The following SPATA13 variants were observed in gnomAD, a reference collection of about 807,000 sequenced individuals.
SPATA13 encodes the protein spermatogenesis associated 13, also known as spermatogenesis-associated protein 13.
SPATA13 carries 50 observed loss-of-function variants against 104.0 expected under a neutral mutation model. That is an observed-to-expected ratio of 0.48 (90% CI 0.38 to 0.61). The LOEUF is 0.61. Ranked by LOEUF, SPATA13 falls within the 20% of genes least tolerant of loss-of-function variation. The probability of loss-of-function intolerance (pLI) is 0.00; values close to 1 mark genes in which losing one functional copy is unlikely to be tolerated. For missense variants in SPATA13, 1,524 were observed against 1,690.6 expected (o/e 0.90, Z 1.73); for synonymous variants, 606 against 667.5 (o/e 0.91, Z 1.42).
At chr13:24,273,641 G>T (rs2138701800) in intron 4 of SPATA13, among the ~76,000 whole-genome samples, 1 of 152,168 alleles carries the variant, frequency 6.6e-6, no homozygotes, top group Admixed American at 6.5e-5. Context: ...ATAAGAGTAG[G>T]GACAGGATAT....
chr13:24,136,683 T>C (rs865887186), intron 3 of SPATA13, among the ~76,000 whole-genome samples: 3 of 152,218 alleles, frequency 2.0e-5, no homozygotes, highest in Non-Finnish European at 4.4e-5. Context: ...TCTGGGCCTA[T>C]TGGGCTCTGA....
intron 9 of SPATA13, among the ~76,000 whole-genome samples, chr13:24,293,316 A>C (rs575378771): frequency 6.6e-6 from 1 of 152,078 alleles, no homozygotes; most frequent in Non-Finnish European, 1.5e-5. Flanking sequence ...ATTTTCAAAG[A>C]CACTTTTAAG....
intron 3 of SPATA13, among the ~76,000 whole-genome samples, chr13:24,043,051 A>G (rs1877991501): frequency 6.6e-6 from 1 of 152,230 alleles, no homozygotes; most frequent in African/African-American, 2.4e-5. Context: ...AGTGGAACAC[A>G]CACAAACTCA....
At chr13:24,008,058 C>T (rs921137884) in intron 2 of SPATA13, among the ~76,000 whole-genome samples, 3 of 152,196 alleles carry the variant, frequency 2.0e-5, no homozygotes, top group Non-Finnish European at 2.9e-5. Flanking sequence ...AGCAGCCCCA[C>T]TCATGGGAGC....
intron 3 of SPATA13, among the ~76,000 whole-genome samples, chr13:24,086,130 GTT>G (rs1055569645): frequency 1.3e-5 from 2 of 152,158 alleles, no homozygotes; most frequent in Non-Finnish European, 2.9e-5. Flanking sequence ...CACCCGGTGA[GTT>G]TGACTTTCCT....
chr13:24,139,973 C>T (rs1881701743), intron 3 of SPATA13, among the ~76,000 whole-genome samples: 1 of 151,070 alleles, frequency 6.6e-6, no homozygotes, highest in South Asian at 2.1e-4. Flanking sequence ...GAGGCTGAGG[C>T]AGGAGAATGG....
At chr13:24,208,898 C>T (rs115880414) in intron 1 of SPATA13, among the ~76,000 whole-genome samples, 2,370 of 152,274 alleles carry the variant, frequency 0.016, 58 homozygotes, top group African/African-American at 0.054. Flanking sequence ...TACTGAAGAT[C>T]GGATATTGGT....
At chr13:24,136,507 G>C (rs918093629) in intron 3 of SPATA13, among the ~76,000 whole-genome samples, 9 of 151,776 alleles carry the variant, frequency 5.9e-5, no homozygotes, top group African/African-American at 1.9e-4. Flanking sequence ...AAGAAAGTGA[G>C]AGAGAGGGAG....
chr13:24,275,955 T>C lies in SPATA13; in HGVS notation c.2165-8180T>C, dbSNP rs371981698. The stretch of plus-strand genomic sequence containing the variant: ...TCCCTCACCCCTCCCCCAAAAAATG[T>C]TTTTTCCACACCAATTTTTTCAACA... On this transcript the variant is annotated intron_variant, in intron 4 of 12. Transcript: ENST00000382108. 4.9e-4 allele frequency among the ~76,000 whole-genome samples: 75 copies of C among 152,268 alleles called. 1 individual carries two copies. The highest frequency in any genetic ancestry group is 1.7e-3 in the African/African-American group (69 of 41,532).
chr13:24,172,012 A>G (rs4303330), intron 1 of SPATA13, among the ~76,000 whole-genome samples: 6,810 of 152,250 alleles, frequency 0.045, 166 homozygotes, highest in Middle Eastern at 0.085. Flanking sequence ...CTGTACTACA[A>G]TGGTGGAACT....
At chr13:24,092,612 A>G (rs1879944494) in intron 3 of SPATA13, among the ~76,000 whole-genome samples, 1 of 152,218 alleles carries the variant, frequency 6.6e-6, no homozygotes, top group African/African-American at 2.4e-5. Context: ...GGTCTCTTAG[A>G]GATGGACTAT....
At chr13:24,287,558 T>A (rs1876045031) in intron 7 of SPATA13, among the ~76,000 whole-genome samples, 1 of 152,196 alleles carries the variant, frequency 6.6e-6, no homozygotes. Flanking sequence ...CACCCTCACT[T>A]GATTTTACAA....
chr13:24,122,031 A>G, intron 3 of SPATA13: 1 of 1,429,164 alleles, frequency 7.0e-7, no homozygotes, highest in Non-Finnish European at 9.9e-7. Context: ...CAAGCTCTTC[A>G]CTACAATCAC....
At chr13:24,016,004 C>A (rs111765395) in intron 2 of SPATA13, among the ~76,000 whole-genome samples, 12 of 152,230 alleles carry the variant, frequency 7.9e-5, no homozygotes, top group African/African-American at 1.2e-4. Context: ...TTGGAGGGTA[C>A]GCGGTGTGTA....
At chr13:24,143,716 T>C (rs1881838457) in intron 3 of SPATA13, among the ~76,000 whole-genome samples, 1 of 152,018 alleles carries the variant, frequency 6.6e-6, no homozygotes, top group Non-Finnish European at 1.5e-5. Flanking sequence ...ACAGAACATC[T>C]AACAGTGGGG....
At chr13:24,198,084 C>T (rs1021445713) in intron 1 of SPATA13, among the ~76,000 whole-genome samples, 1 of 152,130 alleles carries the variant, frequency 6.6e-6, no homozygotes, top group Admixed American at 6.5e-5. Context: ...CAACCTCCAC[C>T]TCCCGGATTC....
In SPATA13 at chr13:24,154,144, G is replaced by A. The variant is rs117675636; in HGVS notation, c.-111-68675G>A. Among the ~76,000 whole-genome samples the A allele has an allele frequency of 5.1e-4, 78 of 152,062 alleles. 1 individual carries two copies. The East Asian group carries it at 0.013, about 26-fold the overall frequency. ...GCATTTTGAAAAAAAAAGCTTGGCC[G>A]TAGCTACAGAAGGTAAACATATGCA... On this transcript the variant is annotated intron_variant, in intron 3 of 14. Transcript: ENST00000424834.
In SPATA13 at chr13:24,232,766, C is replaced by T. The variant is rs550292713; in HGVS notation, c.1653+8184C>T. ...GTTTTGCCATGCTCCCCAGGCTGGT[C>T]TCGAGCTCCTGAGCTCAAGTGGTCT... is the stretch of plus-strand genomic sequence containing the variant. On this transcript the variant is annotated intron_variant, in intron 2 of 12. Coordinates refer to ENST00000382108, the MANE Select transcript of SPATA13 (RefSeq NM_001166271.3). Among the ~76,000 whole-genome samples the T allele has an allele frequency of 2.6e-4, 40 of 152,308 alleles. No homozygotes were observed. In the East Asian group the frequency reaches 6.9e-3, roughly 26 times the overall value.
chr13:24,284,530 G>C (rs998741268), intron 5 of SPATA13, among the ~76,000 whole-genome samples: 1 of 152,146 alleles, frequency 6.6e-6, no homozygotes, highest in Non-Finnish European at 1.5e-5. Flanking sequence ...AGGCATGATG[G>C]TGCGCACCTG....
Sources: gnomAD v4.1 joint callset for allele counts (sites outside exome capture counted in the v4.1 genomes callset) on GRCh38, gnomAD v4.1.1 for gene constraint, MANE v1.5 for transcripts, NCBI Gene and HGNC (gene_info 2026-07-23, HGNC 2026-07-21) for gene names.